The following COL4A3 variants were observed in gnomAD, a reference collection of about 807,000 sequenced individuals.
COL4A3 encodes the protein collagen type IV alpha 3 chain, also known as collagen alpha-3(IV) chain.
In COL4A3, 135 loss-of-function variants were observed where a neutral mutation model predicts 217.4. The ratio of observed to expected loss-of-function variants is 0.62; its 90% CI spans 0.54 to 0.72. The LOEUF (loss-of-function observed/expected upper bound fraction) is 0.72. Among genes scored for constraint, COL4A3 ranks in the 30% least tolerant of loss-of-function variants. The pLI is 0.00. For missense variants in COL4A3, 1,868 were observed against 2,119.9 expected, an observed-to-expected ratio of 0.88 and a Z score of 2.33; for synonymous variants, 690 against 736.3, an observed-to-expected ratio of 0.94 and a Z score of 1.02.
At position 227,253,961 on chromosome 2, in the gene COL4A3, A is replaced by G; in HGVS notation, c.766-151A>G. 1.3e-6 allele frequency: 1 copy of G among 766,510 alleles called. No individual in the cohort carries two copies. Among genetic ancestry groups the G allele is most frequent in the South Asian group, 1.5e-5 (1 of 67,592 alleles). The allele number at this position is 766,510 out of a possible 1,614,324, so 47.5% of individuals were successfully genotyped here. On this transcript the variant is annotated intron_variant, in intron 13 of 51. Transcript: ENST00000396578. This position sits in a 1 kb window ranked among gnomAD's most constrained non-coding sequence, Gnocchi z 4.4. ...GCAGGTATAAAATTTGAAATGTGAG[A>G]AATGGAAGGTGTATTGGGTTGTGTT...
rs961124072 is a variant in COL4A3, at chr2:227,250,341, TAGATAGA to T, written c.547-798_547-792del. ...AAATAGGTAGATAGATAAAAGATGA[TAGATAGA>T]TAGATAGATAGATAGATAGATAGAT... On this transcript the variant is annotated intron_variant, in intron 9 of 51. Coordinates refer to ENST00000396578, the MANE Select transcript of COL4A3 (RefSeq NM_000091.5). This position sits in a 1 kb window ranked among gnomAD's most constrained non-coding sequence, Gnocchi z 4.1. 6.0e-3 allele frequency among the ~76,000 whole-genome samples: 70 copies of T among 11,580 alleles called. No individual in the cohort carries two copies. The South Asian group carries it at 0.11, about 19-fold the overall frequency. The allele number at this position is 11,580 out of a possible 152,430, so 7.6% of individuals were successfully genotyped here. A position where few individuals can be genotyped will look rare whatever the true frequency, so the allele number is the denominator to read the frequency against.
intron 47 of COL4A3, among the ~76,000 whole-genome samples, 155 bp downstream of exon 47, chr2:227,305,238 T>C (rs1201327057): frequency 6.6e-6 from 1 of 152,184 alleles, no homozygotes; most frequent in Non-Finnish European, 1.5e-5. Flanking sequence ...ATTTGGAAGA[T>C]GAGAATCAAG....
rs759251186 is a variant in COL4A3 at position 227,298,786 on chromosome 2, G to A, written c.3856G>A (p.Gly1286Arg). 14 of 1,613,830 alleles carry A rather than the reference G, an allele frequency of 8.7e-6. No individual in the cohort carries two copies. In the East Asian group the frequency reaches 2.5e-4, roughly 28 times the overall value. The change falls in exon 43 of 52, where the codon GGA (glycine) becomes AGA (arginine). Residue 1286 changes from glycine to arginine, a missense_variant. Coordinates refer to ENST00000396578, the MANE Select transcript of COL4A3 (RefSeq NM_000091.5). ...CCCAAAAGGTCCACCTGGAACTGCA[G>A]GAGACATGGGACCACCAGGTCGTCT... ...PGPKGPPGTA[G>R]DMGPPGRLGA...
At position 227,305,046 on chromosome 2, in the gene COL4A3, TG is replaced by T. The variant is rs2106274574; in HGVS notation, c.4217del (p.Gly1406GlufsTer23). The T allele has an allele frequency of 6.2e-7, 1 of 1,613,896 alleles. No individual in the cohort carries two copies. Among genetic ancestry groups the T allele is most frequent in the Non-Finnish European group, 8.5e-7 (1 of 1,179,876 alleles). On this transcript the variant is annotated frameshift_variant, in exon 47 of 52. Transcript: ENST00000396578. LOFTEE classifies it high-confidence loss of function. ...GAAAACCAGGAACTCCTGGACCAGC[TG>T]GAGAAAAAGGCAACAAAGGTTCTAA... ...DGKPGTPGPAGEKGNKGSKGE... is the reference protein window; with the variant it reads ...DGKPGTPGPAXEKGNKGSKGE...
intron 1 of COL4A3, among the ~76,000 whole-genome samples, chr2:227,218,164 C>T (rs2067606619): frequency 1.3e-5 from 2 of 150,440 alleles, no homozygotes; most frequent in Non-Finnish European, 3.0e-5. Flanking sequence ...TGCGACTGCT[C>T]ATTTGAAAAA....
chr2:227,174,422 C>G (rs1284500998), intron 1 of COL4A3, among the ~76,000 whole-genome samples: 1 of 152,104 alleles, frequency 6.6e-6, no homozygotes. Context: ...AAAATGGTGA[C>G]AACATATTTA....
intron 1 of COL4A3, among the ~76,000 whole-genome samples, chr2:227,171,018 C>CAT (rs141832010): frequency 0.041 from 6,190 of 152,236 alleles, 198 homozygotes; most frequent in Admixed American, 0.082. Context: ...CTTCTTAAAA[C>CAT]ATATACTATT....
chr2:227,237,841 G>A (rs1456721644), intron 1 of COL4A3, 127 bp from the exon 2 acceptor site: 4 of 733,160 alleles, frequency 5.5e-6, no homozygotes, highest in Non-Finnish European at 1.0e-5. Flanking sequence ...TTGCTACAAG[G>A]TCACCTGGCT....
intron 37 of COL4A3, among the ~76,000 whole-genome samples, chr2:227,291,221 C>A (rs2072681418): frequency 6.6e-6 from 1 of 152,168 alleles, no homozygotes; most frequent in African/African-American, 2.4e-5. Context: ...CCCATTTCTG[C>A]TGTACTCATC....
intron 37 of COL4A3, chr2:227,291,172 C>T (rs1015429223): frequency 2.5e-6 from 1 of 404,882 alleles, no homozygotes; most frequent in Non-Finnish European, 4.6e-6. Context: ...CCCATACAAT[C>T]AGATAGGACA....
At chr2:227,309,129 T>C in intron 49 of COL4A3, 53 bp downstream of exon 49, 4 of 1,611,940 alleles carry the variant, frequency 2.5e-6, no homozygotes, top group Non-Finnish European at 2.5e-6. Context: ...TCACTTCCCT[T>C]GTAATGGAAT....
intron 1 of COL4A3, 93 bp from the exon 2 acceptor site, chr2:227,237,875 C>A (rs2068785716): frequency 2.2e-6 from 2 of 906,442 alleles, no homozygotes; most frequent in Non-Finnish European, 3.7e-6. Context: ...GTCCAATACT[C>A]GAAGAACAGA....
chr2:227,213,378 C>G (rs994713244), intron 1 of COL4A3, among the ~76,000 whole-genome samples: 2 of 152,028 alleles, frequency 1.3e-5, no homozygotes, highest in African/African-American at 4.8e-5. Context: ...GAGTAAATAT[C>G]TTAGGTTTTG....
In COL4A3 at chr2:227,246,017, G is replaced by A. The variant is rs1574674108; in HGVS notation, c.387+1G>A. On this transcript the variant is annotated splice_donor_variant, in intron 6 of 51. Coordinates refer to ENST00000396578, the MANE Select transcript of COL4A3 (RefSeq NM_000091.5). LOFTEE classifies it high-confidence loss of function. Reference sequence around the variant, plus strand: ...TGTACCAGGATGCAGTGGTTCTAAGGTAAGTACTTTTCACACAGAAGATGA... The same window carrying A: ...TGTACCAGGATGCAGTGGTTCTAAGATAAGTACTTTTCACACAGAAGATGA... The A allele has an allele frequency of 6.2e-7, 1 of 1,610,020 alleles. No individual in the cohort carries two copies. Among genetic ancestry groups the A allele is most frequent in the Non-Finnish European group, 8.5e-7 (1 of 1,176,290 alleles).
chr2:227,309,212 T>C lies in COL4A3; in HGVS notation c.4649T>C (p.Val1550Ala), dbSNP rs200655479. 3 of 1,614,160 alleles carry C rather than the reference T, an allele frequency of 1.9e-6. No individual in the cohort carries two copies. Among genetic ancestry groups the C allele is most frequent in the Non-Finnish European group, 2.5e-6 (3 of 1,180,004 alleles). Reference protein sequence around the residue: ...ALEPYISRCTVCEGPAIAIAV... With the variant: ...ALEPYISRCTACEGPAIAIAV... ...TTTGTTTCATGTTACAGATGCACTG[T>C]TTGTGAAGGTCCTGCGATCGCCATA... The change falls in exon 50 of 52, where the codon GTT becomes GCT. Residue 1550 changes from valine (V) to alanine (A), a missense_variant. This residue lies in a region of COL4A3 where 1,503 missense variants were observed against 1,786.1 expected (regional missense o/e 0.84). Transcript: ENST00000396578.
Position 227,266,506 on chromosome 2 carries a change from A to G in COL4A3, c.1405A>G (p.Lys469Glu). ...AGGAATCCCAGGAGTTGATGGGCCC[A>G]AAGGTTGGTTCAATCAATAATGTTG... ...SPGIPGVDGP[K>E]GEPGLLCTQC... The change falls in exon 22 of 52, where the codon AAA becomes GAA. Residue 469 changes from lysine to glutamate, a missense_variant. By Grantham distance (56) the Lys-to-Glu change is moderately conservative. Around this residue, in one of 2 missense-constraint regions of COL4A3, gnomAD observed 1,503 missense variants for 1,786.1 expected, o/e 0.84. Coordinates refer to ENST00000396578, the MANE Select transcript of COL4A3 (RefSeq NM_000091.5). 1 of 1,612,802 alleles carries G rather than the reference A, an allele frequency of 6.2e-7. No homozygotes were observed. The highest frequency in any genetic ancestry group is 1.7e-4 in the Middle Eastern group (1 of 6,060).
In COL4A3 at chr2:227,310,060, C is replaced by T. The variant is rs954677356; in HGVS notation, c.4756-716C>T. On this transcript the variant is annotated intron_variant, in intron 50 of 51. Coordinates refer to ENST00000396578, the MANE Select transcript of COL4A3 (RefSeq NM_000091.5). ...AAGTACTTTCCCCAGGGTCTTACAACTATTTAGTGGAAAAGCTAGGATCTG... is the reference window on the plus strand; with the variant it reads ...AAGTACTTTCCCCAGGGTCTTACAATTATTTAGTGGAAAAGCTAGGATCTG... Among the ~76,000 whole-genome samples the T allele has an allele frequency of 3.3e-5, 5 of 152,194 alleles. No homozygotes were observed. In the South Asian group the frequency reaches 6.2e-4, roughly 19 times the overall value.
At chr2:227,246,287 C>A in intron 6 of COL4A3, 1 of 532,846 alleles carries the variant, frequency 1.9e-6, no homozygotes, top group Non-Finnish European at 3.4e-6. Flanking sequence ...AATCAGAAAC[C>A]AAAGCTTTGA....
chr2:227,289,121 T>G, intron 34 of COL4A3, 29 bp from the exon 35 acceptor site: 1 of 1,590,012 alleles, frequency 6.3e-7, no homozygotes, highest in Non-Finnish European at 8.6e-7. Flanking sequence ...TGGCTAATTT[T>G]CTTGTTAATA....
Sources: allele counts gnomAD v4.1 joint callset (sites outside exome capture counted in the v4.1 genomes callset), GRCh38; gene constraint gnomAD v4.1.1; regional missense constraint gnomAD v4.1.1; non-coding constraint Gnocchi (gnomAD v3.1); transcripts MANE v1.5; gene names NCBI Gene and HGNC (gene_info 2026-07-23, HGNC 2026-07-21).